The following KRTAP4-1 variants were observed in gnomAD, a reference collection of about 807,000 sequenced individuals.
The protein encoded by KRTAP4-1 is keratin associated protein 4-1.
For missense variants in KRTAP4-1, 155 were observed against 181.3 expected (o/e 0.85, Z 0.83); for synonymous variants, 52 against 58.3 (o/e 0.89, Z 0.50).
rs746568263 is a variant in KRTAP4-1 at position 41,184,430 on chromosome 17, C to T, written c.425G>A (p.Cys142Tyr). The change falls in exon 1 of 1, where the codon TGT (cysteine) becomes TAT (tyrosine). Residue 142 changes from cysteine to tyrosine, a missense_variant. Physicochemically the swap from Cys to Tyr is radical, Grantham distance 194. Transcript: ENST00000398472. ...CRATCCRPSC[C>Y]GSSC ...ATATGAGGTTCAACAAGAGGATCCA[C>T]AGCAGCTGGGGCGGCAGCAAGTTGC... is the stretch of plus-strand genomic sequence containing the variant. The T allele has an allele frequency of 1.3e-6, 2 of 1,599,882 alleles. No individual in the cohort carries two copies. Among genetic ancestry groups the T allele is most frequent in the Non-Finnish European group, 1.7e-6 (2 of 1,170,860 alleles).
In KRTAP4-1 at chr17:41,184,858, G is replaced by A; in HGVS notation, c.-4C>T. 6 of 1,613,792 alleles carry A rather than the reference G, an allele frequency of 3.7e-6. No homozygotes were observed. The highest frequency in any genetic ancestry group is 1.1e-5 in the South Asian group (1 of 91,056). ...AGCCACAACAAGAGTTAACCATGGT[G>A]TCAGAGGGTGGAGGTTCTAGGTAGG... On this transcript the variant is annotated 5_prime_UTR_variant, in exon 1 of 1. Coordinates refer to ENST00000398472, the MANE Select transcript of KRTAP4-1 (RefSeq NM_001386841.1).
At position 41,184,874 on chromosome 17, in the gene KRTAP4-1, T is replaced by G. The variant is rs2015260285; in HGVS notation, c.-20A>C. 1 of 1,613,326 alleles carries G rather than the reference T, an allele frequency of 6.2e-7. No homozygotes were observed. On this transcript the variant is annotated 5_prime_UTR_variant, in exon 1 of 1. Coordinates refer to ENST00000398472, the MANE Select transcript of KRTAP4-1 (RefSeq NM_001386841.1). ...AACCATGGTGTCAGAGGGTGGAGGT[T>G]CTAGGTAGGTTTCCAAGACAGTGAG...
chr17:41,184,672 G>A lies in KRTAP4-1; in HGVS notation c.183C>T (p.Arg61=). 6.2e-7 allele frequency: 1 copy of A among 1,612,244 alleles called. No homozygotes were observed. The highest frequency in any genetic ancestry group is 8.5e-7 in the Non-Finnish European group (1 of 1,178,670). The change falls in exon 1 of 1, where the codon CGC becomes CGT. Residue 61 remains arginine (R), a synonymous_variant. Transcript: ENST00000398472. ...AACAGACTGGGTGGCAGCAGCTGGGGCGACAGCAAGTGGTCTGGCAGCAGG... is the reference window on the plus strand; with the variant it reads ...AACAGACTGGGTGGCAGCAGCTGGGACGACAGCAAGTGGTCTGGCAGCAGG... ...QTTCCQTTCC[R]PSCCHPVCCQ...
Position 41,184,743 on chromosome 17 carries a change from T to C in KRTAP4-1, c.112A>G (p.Ser38Gly). The C allele has an allele frequency of 6.2e-7, 1 of 1,612,700 alleles. No individual in the cohort carries two copies. The highest frequency in any genetic ancestry group is 8.5e-7 in the Non-Finnish European group (1 of 1,179,652). The part of the protein sequence containing the change: ...SCCQTTCCCP[S>G]CVVSSCCRPS... ...CGGCAGCAGCTGGATACAACACAGCTGGGGCAGCAACAGGTGGTCTGGCAG... is the reference window on the plus strand; with the variant it reads ...CGGCAGCAGCTGGATACAACACAGCCGGGGCAGCAACAGGTGGTCTGGCAG... Residue 38 changes from serine (S) to glycine (G), a missense_variant, in exon 1 of 1, where the codon AGC becomes GGC. Physicochemically the swap from Ser to Gly is moderately conservative, Grantham distance 56. Transcript: ENST00000398472.
In KRTAP4-1 at chr17:41,184,369, TC is replaced by T. The variant is rs2015245670; in HGVS notation, c.*44del. The T allele has an allele frequency of 3.2e-6, 5 of 1,543,096 alleles. 1 individual carries two copies. The South Asian group carries it at 6.2e-5, about 19-fold the overall frequency. ...AGTTGATATAAATGACACTTTCATA[TC>T]ATGGGATGGTGACTGGCTCATGGTT... On this transcript the variant is annotated 3_prime_UTR_variant, in exon 1 of 1. Transcript: ENST00000398472.
Position 41,184,899 on chromosome 17 carries a change from G to C in KRTAP4-1, c.-45C>G, listed in dbSNP as rs1022962150. On this transcript the variant is annotated 5_prime_UTR_variant, in exon 1 of 1. Coordinates refer to ENST00000398472, the MANE Select transcript of KRTAP4-1 (RefSeq NM_001386841.1). The stretch of plus-strand genomic sequence containing the variant: ...TCTAGGTAGGTTTCCAAGACAGTGA[G>C]TTTTTCGAATGTGGGAATCTCCTTA... 1.2e-6 allele frequency: 2 copies of C among 1,609,024 alleles called. No individual in the cohort carries two copies. Among genetic ancestry groups the C allele is most frequent in the Non-Finnish European group, 1.7e-6 (2 of 1,177,390 alleles).
Position 41,184,280 on chromosome 17 carries a change from C to T in KRTAP4-1, c.*134G>A. 6.9e-7 allele frequency: 1 copy of T among 1,445,962 alleles called. No homozygotes were observed. The allele number at this position is 1,445,962 out of a possible 1,614,324, so 89.6% of individuals were successfully genotyped here. A position where few individuals can be genotyped will look rare whatever the true frequency, so the allele number is the denominator to read the frequency against. ...GTGGTATTAAATGTAGATGGATGCC[C>T]TTTCACCAGTTACTTAGTGGAATAA... is the stretch of plus-strand genomic sequence containing the variant. On this transcript the variant is annotated 3_prime_UTR_variant, in exon 1 of 1. Coordinates refer to ENST00000398472, the MANE Select transcript of KRTAP4-1 (RefSeq NM_001386841.1).
Position 41,184,666 on chromosome 17 carries a change from G to C in KRTAP4-1, c.189C>G (p.Ser63Arg), listed in dbSNP as rs1439902494. The C allele has an allele frequency of 2.5e-6, 4 of 1,612,018 alleles. No homozygotes were observed. Among genetic ancestry groups the C allele is most frequent in the African/African-American group, 1.3e-5 (1 of 74,804 alleles). ...TCTGACAACAGACTGGGTGGCAGCA[G>C]CTGGGGCGACAGCAAGTGGTCTGGC... is the stretch of plus-strand genomic sequence containing the variant. ...TCCQTTCCRP[S>R]CCHPVCCQTT... The change falls in exon 1 of 1, where the codon AGC becomes AGG. Residue 63 changes from serine (S) to arginine (R), a missense_variant. Physicochemically the swap from Ser to Arg is moderately radical, Grantham distance 110. Coordinates refer to ENST00000398472, the MANE Select transcript of KRTAP4-1 (RefSeq NM_001386841.1).
chr17:41,184,112 A>G lies in KRTAP4-1; in HGVS notation c.*302T>C. The G allele has an allele frequency of 2.8e-6, 1 of 352,160 alleles. No homozygotes were observed. Among genetic ancestry groups the G allele is most frequent in the Non-Finnish European group, 5.1e-6 (1 of 196,906 alleles). 21.8% of individuals were successfully genotyped at this position (352,160 alleles called of 1,614,324 possible). ...AAAGAGAAAAGAATTACTGATATTA[A>G]GATAATATTTATTGAAGAACAGTTA... On this transcript the variant is annotated 3_prime_UTR_variant, in exon 1 of 1. Transcript: ENST00000398472.
At position 41,184,846 on chromosome 17, in the gene KRTAP4-1, G is replaced by C. The variant is rs1351475581; in HGVS notation, c.9C>G (p.Asn3Lys). 39 of 1,613,842 alleles carry C rather than the reference G, an allele frequency of 2.4e-5. No homozygotes were observed. Among genetic ancestry groups the C allele is most frequent in the Non-Finnish European group, 3.2e-5 (38 of 1,179,712 alleles). The change falls in exon 1 of 1, where the codon AAC (asparagine) becomes AAG (lysine). Residue 3 changes from asparagine to lysine, a missense_variant. Transcript: ENST00000398472. ...CAGAGCAGACAGAGCCACAACAAGA[G>C]TTAACCATGGTGTCAGAGGGTGGAG... MV[N>K]SCCGSVCSDQ...
chr17:41,184,345 G>A lies in KRTAP4-1; in HGVS notation c.*69C>T, dbSNP rs452216. 1,419,562 of 1,526,836 alleles carry A rather than the reference G, an allele frequency of 0.93. 660,160 individuals are homozygous for A. Among genetic ancestry groups the A allele is most frequent in the South Asian group, 0.97 (74,770 of 77,156 alleles). The allele number at this position is 1,526,836 out of a possible 1,614,324, so 94.6% of individuals were successfully genotyped here. On this transcript the variant is annotated 3_prime_UTR_variant, in exon 1 of 1. Coordinates refer to ENST00000398472, the MANE Select transcript of KRTAP4-1 (RefSeq NM_001386841.1). Reference sequence around the variant, plus strand: ...TGATGGCCATTTAACACATGGACAAGTTGATATAAATGACACTTTCATATC... The same window carrying A: ...TGATGGCCATTTAACACATGGACAAATTGATATAAATGACACTTTCATATC...
rs1206004019 is a variant in KRTAP4-1, at chr17:41,184,361, C to T, written c.*53G>A. ...CATGGACAAGTTGATATAAATGACA[C>T]TTTCATATCATGGGATGGTGACTGG... On this transcript the variant is annotated 3_prime_UTR_variant, in exon 1 of 1. Coordinates refer to ENST00000398472, the MANE Select transcript of KRTAP4-1 (RefSeq NM_001386841.1). 6.5e-7 allele frequency: 1 copy of T among 1,538,462 alleles called. No individual in the cohort carries two copies. The highest frequency in any genetic ancestry group is 8.8e-7 in the Non-Finnish European group (1 of 1,140,000).
In KRTAP4-1 at chr17:41,184,222, ATGC is replaced by A. The variant is rs3071131; in HGVS notation, c.*189_*191del. On this transcript the variant is annotated 3_prime_UTR_variant, in exon 1 of 1. Transcript: ENST00000398472. ...ACTGCATCATGCATCTGAGGTCTGA[ATGC>A]TGCTGGGAAGAGATCCATGGGAAAA... The A allele has an allele frequency of 0.93, 920,673 of 989,776 alleles. 428,573 individuals are homozygous for A. The highest frequency in any genetic ancestry group is 0.97 in the South Asian group (51,728 of 53,370). The allele number at this position is 989,776 out of a possible 1,614,324, so 61.3% of individuals were successfully genotyped here. A position where few individuals can be genotyped will look rare whatever the true frequency, so the allele number is the denominator to read the frequency against.
rs2015243843 is a variant in KRTAP4-1, at chr17:41,184,216, G to T, written c.*198C>A. Reference sequence around the variant, plus strand: ...AGTCTAACTGCATCATGCATCTGAGGTCTGAATGCTGCTGGGAAGAGATCC... The same window carrying T: ...AGTCTAACTGCATCATGCATCTGAGTTCTGAATGCTGCTGGGAAGAGATCC... On this transcript the variant is annotated 3_prime_UTR_variant, in exon 1 of 1. Coordinates refer to ENST00000398472, the MANE Select transcript of KRTAP4-1 (RefSeq NM_001386841.1). 1.3e-6 allele frequency: 1 copy of T among 792,032 alleles called. No homozygotes were observed. Among genetic ancestry groups the T allele is most frequent in the Non-Finnish European group, 1.8e-6 (1 of 569,960 alleles). 49.1% of individuals were successfully genotyped at this position (792,032 alleles called of 1,614,324 possible). A position where few individuals can be genotyped will look rare whatever the true frequency, so the allele number is the denominator to read the frequency against.
rs903104975 is a variant in KRTAP4-1 at position 41,184,137 on chromosome 17, A to G, written c.*277T>C. 16 of 434,724 alleles carry G rather than the reference A, an allele frequency of 3.7e-5. No homozygotes were observed. The highest frequency in any genetic ancestry group is 5.2e-5 in the Non-Finnish European group (13 of 249,110). The allele number at this position is 434,724 out of a possible 1,614,324, so 26.9% of individuals were successfully genotyped here. A position where few individuals can be genotyped will look rare whatever the true frequency, so the allele number is the denominator to read the frequency against. On this transcript the variant is annotated 3_prime_UTR_variant, in exon 1 of 1. Coordinates refer to ENST00000398472, the MANE Select transcript of KRTAP4-1 (RefSeq NM_001386841.1). ...AGATAATATTTATTGAAGAACAGTT[A>G]ATATGTAATTTTGAAGGTCAAATCA...
Position 41,184,703 on chromosome 17 carries a change from T to A in KRTAP4-1, c.152A>T (p.Gln51Leu). 1 of 1,613,696 alleles carries A rather than the reference T, an allele frequency of 6.2e-7. No individual in the cohort carries two copies. The highest frequency in any genetic ancestry group is 8.5e-7 in the Non-Finnish European group (1 of 1,179,892). The change falls in exon 1 of 1, where the codon CAG (glutamine) becomes CTG (leucine). Residue 51 changes from glutamine (Q) to leucine (L), a missense_variant. Physicochemically the swap from Gln to Leu is moderately radical, Grantham distance 113. Transcript: ENST00000398472. ...GCAAGTGGTCTGGCAGCAGGTAGTC[T>A]GAGAGCAGGATGGGCGGCAGCAGCT... ...VSSCCRPSCS[Q>L]TTCCQTTCCR...
chr17:41,184,705 A>G lies in KRTAP4-1; in HGVS notation c.150T>C (p.Ser50=), dbSNP rs906731971. The G allele has an allele frequency of 1.2e-6, 2 of 1,613,538 alleles. No homozygotes were observed. The highest frequency in any genetic ancestry group is 2.7e-5 in the African/African-American group (2 of 74,714). The part of the protein sequence containing the change: ...VVSSCCRPSC[S]QTTCCQTTCC... ...AAGTGGTCTGGCAGCAGGTAGTCTG[A>G]GAGCAGGATGGGCGGCAGCAGCTGG... Residue 50 remains serine (S), a synonymous_variant, in exon 1 of 1, where the codon TCT becomes TCC. Coordinates refer to ENST00000398472, the MANE Select transcript of KRTAP4-1 (RefSeq NM_001386841.1).
chr17:41,184,311 T>A lies in KRTAP4-1; in HGVS notation c.*103A>T. The A allele has an allele frequency of 6.6e-7, 1 of 1,506,912 alleles. No individual in the cohort carries two copies. The highest frequency in any genetic ancestry group is 8.9e-7 in the Non-Finnish European group (1 of 1,123,156). The allele number at this position is 1,506,912 out of a possible 1,614,324, so 93.3% of individuals were successfully genotyped here. ...CCAGTTACTTAGTGGAATAACAGGATAATAAAGCTGATGGCCATTTAACAC... is the reference window on the plus strand; with the variant it reads ...CCAGTTACTTAGTGGAATAACAGGAAAATAAAGCTGATGGCCATTTAACAC... On this transcript the variant is annotated 3_prime_UTR_variant, in exon 1 of 1. Coordinates refer to ENST00000398472, the MANE Select transcript of KRTAP4-1 (RefSeq NM_001386841.1).
Position 41,184,485 on chromosome 17 carries a change from G to T in KRTAP4-1, c.370C>A (p.Pro124Thr), listed in dbSNP as rs755142093. ...PSCGVSSCCR[P>T]LCCQTTCCRA... Reference sequence around the variant, plus strand: ...CAGCAGGTGGTCTGACAGCAGAGTGGACGGCAGCAGCTGGACACACCACAG... The same window carrying T: ...CAGCAGGTGGTCTGACAGCAGAGTGTACGGCAGCAGCTGGACACACCACAG... The change falls in exon 1 of 1, where the codon CCA becomes ACA. Residue 124 changes from proline to threonine, a missense_variant. Coordinates refer to ENST00000398472, the MANE Select transcript of KRTAP4-1 (RefSeq NM_001386841.1). 10 of 1,611,248 alleles carry T rather than the reference G, an allele frequency of 6.2e-6. No homozygotes were observed. In the East Asian group the frequency reaches 2.2e-4, roughly 36 times the overall value.
Sources: allele counts gnomAD v4.1 joint callset, GRCh38; gene constraint gnomAD v4.1.1; transcripts MANE v1.5; gene names NCBI Gene and HGNC (gene_info 2026-07-23, HGNC 2026-07-21).